Variants in CD5 observed in about 807,000 individuals in gnomAD.
CD5 encodes the protein CD5 molecule.
A neutral mutation model predicts 60.3 loss-of-function variants in CD5; 36 were observed. The observed-to-expected ratio is 0.60, with a 90% CI of 0.46 to 0.79. The LOEUF is 0.79. CD5 is among the 30% of genes least tolerant of loss of function. CD5 has a pLI of 0.00. For synonymous variants in CD5, 230 were observed against 257.6 expected, an observed-to-expected ratio of 0.89 and a Z score of 1.03; for missense variants, 540 against 630.6, an observed-to-expected ratio of 0.86 and a Z score of 1.54.
intron 1 of CD5, among the ~76,000 whole-genome samples, chr11:61,110,270 A>C (rs138441893): frequency 2.8e-4 from 42 of 152,280 alleles, no homozygotes; most frequent in African/African-American, 9.9e-4. Context: ...GAATATACAC[A>C]ACACACTCAG....
chr11:61,115,057 C>T lies in CD5; in HGVS notation c.57C>T (p.Val19=), dbSNP rs923646552. 13 of 1,556,712 alleles carry T rather than the reference C, an allele frequency of 8.4e-6. No individual in the cohort carries two copies. Among genetic ancestry groups the T allele is most frequent in the Middle Eastern group, 1.7e-4 (1 of 6,008 alleles). ...LATLYLLGML[V]ASCLGRLSWY... ...GACCCTCCTCTCTTCTTTCTGCAGTCGCTTCCTGCCTCGGACGGCTCAGCT... is the reference window on the plus strand; with the variant it reads ...GACCCTCCTCTCTTCTTTCTGCAGTTGCTTCCTGCCTCGGACGGCTCAGCT... Residue 19 remains valine, a splice_region_variant and synonymous_variant, in exon 2 of 11, where the codon GTC becomes GTT. Coordinates refer to ENST00000347785, the MANE Select transcript of CD5 (RefSeq NM_014207.4).
Position 61,118,621 on chromosome 11 carries a change from C to T in CD5, c.400+141C>T. The T allele has an allele frequency of 1.2e-6, 1 of 801,882 alleles. No individual in the cohort carries two copies. Among genetic ancestry groups the T allele is most frequent in the Non-Finnish European group, 2.0e-6 (1 of 511,514 alleles). The allele number at this position is 801,882 out of a possible 1,614,324, so 49.7% of individuals were successfully genotyped here. A position where few individuals can be genotyped will look rare whatever the true frequency, so the allele number is the denominator to read the frequency against. ...CAGTTTATAACCACTCCCCAAGACA[C>T]ATACCCAGGAGGGGGACTGGAAGGG... On this transcript the variant is annotated intron_variant, in intron 3 of 10. Transcript: ENST00000347785. This position sits in a 1 kb window ranked among gnomAD's most constrained non-coding sequence, Gnocchi z 4.7.
At chr11:61,114,036 G>T (rs541524685) in intron 1 of CD5, among the ~76,000 whole-genome samples, 1 of 151,794 alleles carries the variant, frequency 6.6e-6, no homozygotes, top group Non-Finnish European at 1.5e-5. Context: ...GGAAACATGC[G>T]GGACATTTTT....
At chr11:61,108,228 G>A (rs572259189) in intron 1 of CD5, among the ~76,000 whole-genome samples, 8 of 152,308 alleles carry the variant, frequency 5.3e-5, no homozygotes, top group East Asian at 3.9e-4. Context: ...CAGAGACACC[G>A]TATATGGTGC....
chr11:61,102,495 C>T lies in CD5; in HGVS notation c.-66C>T, dbSNP rs1860707964. The T allele has an allele frequency of 7.8e-6, 7 of 901,040 alleles. No homozygotes were observed. The highest frequency in any genetic ancestry group is 5.6e-5 in the South Asian group (4 of 71,866). 55.8% of individuals were successfully genotyped at this position (901,040 alleles called of 1,614,324 possible). The stretch of plus-strand genomic sequence containing the variant: ...CCTCTCCCTCTCTGAGAGCGAGATA[C>T]CCGGCCAGACACCCTCACCTGCGGT... On this transcript the variant is annotated 5_prime_UTR_variant, in exon 1 of 11. Transcript: ENST00000347785.
At chr11:61,097,740 T>C (rs1860603543), upstream of CD5, among the ~76,000 whole-genome samples, 1 of 152,194 alleles carries the variant, frequency 6.6e-6, no homozygotes, top group Non-Finnish European at 1.5e-5. Flanking sequence ...AGATGATGAA[T>C]GGCCGCCCCC....
chr11:61,095,515 A>G, the CD5 span, among the ~76,000 whole-genome samples: 3 of 152,212 alleles, frequency 2.0e-5, no homozygotes, highest in African/African-American at 7.2e-5. Flanking sequence ...GACTGCCACC[A>G]GCTGCTCATG....
At chr11:61,098,678 A>G (rs1860615233), upstream of CD5, among the ~76,000 whole-genome samples, 1 of 152,190 alleles carries the variant, frequency 6.6e-6, no homozygotes, top group South Asian at 2.1e-4. Flanking sequence ...GACCCTCTCA[A>G]GCAGACTCCC....
intron 7 of CD5, 58 bp from the exon 8 acceptor site, chr11:61,123,826 T>A (rs1377650038): frequency 7.9e-5 from 22 of 277,230 alleles, no homozygotes; most frequent in Non-Finnish European, 1.3e-4. Flanking sequence ...CACCCCTGCC[T>A]GCCCCCACCC....
At chr11:61,104,875 C>T (rs1242123167) in intron 1 of CD5, among the ~76,000 whole-genome samples, 1 of 152,226 alleles carries the variant, frequency 6.6e-6, no homozygotes, top group Non-Finnish European at 1.5e-5. Flanking sequence ...AGCATTCCTG[C>T]CTTCACAGAG....
chr11:61,106,124 CAAAAA>C (rs36003583), intron 1 of CD5, among the ~76,000 whole-genome samples: 3,195 of 81,864 alleles, frequency 0.039, 129 homozygotes, highest in African/African-American at 0.13. Flanking sequence ...GACTCCATCT[CAAAAA>C]AAAAAAAAAA....
At chr11:61,123,186 G>A (rs953269176) in intron 7 of CD5, among the ~76,000 whole-genome samples, 154 bp downstream of exon 7, 4 of 152,154 alleles carry the variant, frequency 2.6e-5, no homozygotes, top group African/African-American at 7.2e-5. Context: ...CTGCCCATTA[G>A]CCATTTTCTG....
the CD5 span, among the ~76,000 whole-genome samples, chr11:61,097,181 CAAT>C: frequency 5.5e-4 from 83 of 152,270 alleles, no homozygotes; most frequent in African/African-American, 1.9e-3. Context: ...CCCAGTCTCT[CAAT>C]GTCACTTCAT....
intron 1 of CD5, among the ~76,000 whole-genome samples, chr11:61,107,639 T>G (rs1265856463): frequency 2.0e-5 from 3 of 152,210 alleles, no homozygotes; most frequent in Non-Finnish European, 4.4e-5. Flanking sequence ...GACTTTTAGA[T>G]TCTGGATTTT....
At chr11:61,123,067 C>G (rs771893006) in intron 7 of CD5, 35 bp downstream of exon 7, 5 of 1,568,846 alleles carry the variant, frequency 3.2e-6, no homozygotes, top group Admixed American at 1.8e-5. Context: ...TCCGTTCCCA[C>G]GTGCAGAGAC....
rs979752802 is a variant in CD5, at chr11:61,118,823, T to C, written c.401-92T>C. 2.2e-5 allele frequency: 19 copies of C among 871,122 alleles called. No individual in the cohort carries two copies. In the Admixed American group the frequency reaches 3.0e-4, roughly 14 times the overall value. 54.0% of individuals were successfully genotyped at this position (871,122 alleles called of 1,614,324 possible). ...GACCTGGTGTGCCAAGCGGCACTCA[T>C]GCCAGGAGCTCCTGGTCCTCTCAAG... is the stretch of plus-strand genomic sequence containing the variant. On this transcript the variant is annotated intron_variant, in intron 3 of 10. Transcript: ENST00000347785. This position sits in a 1 kb window ranked among gnomAD's most constrained non-coding sequence, Gnocchi z 4.7.
intron 1 of CD5, among the ~76,000 whole-genome samples, chr11:61,112,461 T>G (rs775163109): frequency 5.9e-5 from 9 of 152,018 alleles, no homozygotes; most frequent in Non-Finnish European, 1.3e-4. Flanking sequence ...CTGGCCAACA[T>G]GGTGAAACCT....
chr11:61,101,399 C>CATCAACAT (rs1565181371), upstream of CD5, among the ~76,000 whole-genome samples: 1 of 58,152 alleles, frequency 1.7e-5, no homozygotes, highest in South Asian at 1.1e-3. Context: ...CACACACACA[C>CATCAACAT]GTCAACATGG....
In CD5 at chr11:61,118,193, C is replaced by T; in HGVS notation, c.113C>T (p.Thr38Ile). The T allele has an allele frequency of 6.2e-7, 1 of 1,613,954 alleles. No homozygotes were observed. Among genetic ancestry groups the T allele is most frequent in the Non-Finnish European group, 8.5e-7 (1 of 1,179,798 alleles). Residue 38 changes from threonine (T) to isoleucine (I), a missense_variant, in exon 3 of 11, where the codon ACC becomes ATC. Transcript: ENST00000347785. This position sits in a 1 kb window ranked among gnomAD's most constrained non-coding sequence, Gnocchi z 4.7. ...WYDPDFQARL[T>I]RSNSKCQGQL... ...CCCCCAGATTTCCAGGCAAGGCTCA[C>T]CCGTTCCAACTCGAAGTGCCAGGGC... is the stretch of plus-strand genomic sequence containing the variant.
Sources: gnomAD v4.1 joint callset for allele counts (sites outside exome capture counted in the v4.1 genomes callset) on GRCh38, gnomAD v4.1.1 for gene constraint, Gnocchi (gnomAD v3.1) non-coding constraint, MANE v1.5 for transcripts, NCBI Gene and HGNC (gene_info 2026-07-23, HGNC 2026-07-21) for gene names.